ABCA9: variants seen among roughly 807,000 people sequenced by gnomAD.
The protein encoded by ABCA9 is ATP-binding cassette sub-family A member 9.
ABCA9 carries 183 observed loss-of-function variants against 205.3 expected under a neutral mutation model. The ratio of observed to expected loss-of-function variants is 0.89; its 90% CI spans 0.79 to 1.01. The LOEUF (loss-of-function observed/expected upper bound fraction) is 1.01, where lower values mean the gene tolerates loss of function less well. Among genes scored for constraint, ABCA9 ranks in the 50% least tolerant of loss-of-function variants. The probability of loss-of-function intolerance (pLI) is 0.00; values close to 1 mark genes in which losing one functional copy is unlikely to be tolerated. For synonymous variants in ABCA9, 651 were observed against 683.3 expected, an observed-to-expected ratio of 0.95 and a Z score of 0.74; for missense variants, 1,805 against 1,912.4, an observed-to-expected ratio of 0.94 and a Z score of 1.05.
rs769332503 is a variant in ABCA9, at chr17:68,995,887, C to A, written c.3555+8G>T. On this transcript the variant is annotated splice_region_variant and intron_variant, in intron 26 of 38. Coordinates refer to ENST00000340001, the MANE Select transcript of ABCA9 (RefSeq NM_080283.4). The stretch of plus-strand genomic sequence containing the variant: ...TCATGACCCTCAGACAGAAGTGGAA[C>A]TACTTACCTCAGAAAAAATGAATAG... 1.2e-6 allele frequency: 2 copies of A among 1,613,282 alleles called. No homozygotes were observed. The highest frequency in any genetic ancestry group is 1.7e-6 in the Non-Finnish European group (2 of 1,179,858).
chr17:69,003,598 G>A (rs1041294683), intron 25 of ABCA9, among the ~76,000 whole-genome samples: 2 of 143,884 alleles, frequency 1.4e-5, no homozygotes, highest in African/African-American at 5.3e-5. Flanking sequence ...TATGTGTCTT[G>A]GAGTTGCTCT....
Position 69,027,039 on chromosome 17 carries a change from C to T in ABCA9, c.1987G>A (p.Gly663Arg). ...RHRIWNLLKE[G>R]KSDRVILFST... ...AAGAGAATTACTCTGTCTGATTTCC[C>T]CTCTTTCAGGAGATTCCATATTCGG... Residue 663 changes from glycine (G) to arginine (R), a missense_variant, in exon 15 of 39, where the codon GGG (glycine) becomes AGG (arginine). By Grantham distance (125) the Gly-to-Arg change is moderately radical. Transcript: ENST00000340001. 1 of 1,614,146 alleles carries T rather than the reference C, an allele frequency of 6.2e-7. No individual in the cohort carries two copies.
In ABCA9 at chr17:69,020,713, T is replaced by C. The variant is rs575239739; in HGVS notation, c.2402-127A>G. 2.4e-5 allele frequency: 17 copies of C among 700,040 alleles called. No homozygotes were observed. The East Asian group carries it at 2.7e-4, about 11-fold the overall frequency. The allele number at this position is 700,040 out of a possible 1,614,324, so 43.4% of individuals were successfully genotyped here. On this transcript the variant is annotated intron_variant, in intron 18 of 38. Transcript: ENST00000340001. ...TTGGGCCAAGATACAAGTAATCTAA[T>C]GTATGACATTATTAGAGCAACTATT...
chr17:69,067,618 AAAG>A, the ABCA9 span, among the ~76,000 whole-genome samples: 9 of 139,220 alleles, frequency 6.5e-5, no homozygotes, highest in African/African-American at 2.6e-4. Context: ...AGAAAGAAAG[AAAG>A]AAGAAAGAAA....
At chr17:68,977,611 A>G (rs1363558532) in intron 37 of ABCA9, among the ~76,000 whole-genome samples, 1 of 152,222 alleles carries the variant, frequency 6.6e-6, no homozygotes, top group East Asian at 1.9e-4. Flanking sequence ...TGGAGTTTAC[A>G]TTACCCAGCA....
chr17:69,037,342 G>T (rs1277178081), intron 6 of ABCA9, among the ~76,000 whole-genome samples: 1 of 152,054 alleles, frequency 6.6e-6, no homozygotes, highest in Non-Finnish European at 1.5e-5. Flanking sequence ...AAATGCAAAA[G>T]AACGGAAATC....
intron 24 of ABCA9, 35 bp from the exon 25 acceptor site, chr17:69,007,907 A>T: frequency 6.7e-7 from 1 of 1,487,646 alleles, no homozygotes; most frequent in Non-Finnish European, 9.3e-7. Context: ...AATAAGGTAA[A>T]TACTATCTAG....
At position 69,008,085 on chromosome 17, in the gene ABCA9, T is replaced by C; in HGVS notation, c.3298A>G (p.Ile1100Val). The change falls in exon 24 of 39, where the codon ATA becomes GTA. Residue 1100 changes from isoleucine (I) to valine (V), a missense_variant. Transcript: ENST00000340001. ...ACTTGAATTAACAGGTTTTGAATTA[T>C]AAATATAATCTCCTCTGGGCTAAAA... Reference protein sequence around the residue: ...YIFSPEEIIFIIQNLLIQILC... With the variant: ...YIFSPEEIIFVIQNLLIQILC... 2 of 1,608,726 alleles carry C rather than the reference T, an allele frequency of 1.2e-6. No individual in the cohort carries two copies. The highest frequency in any genetic ancestry group is 1.7e-6 in the Non-Finnish European group (2 of 1,177,786).
chr17:69,035,624 G>A lies in ABCA9; in HGVS notation c.942+36C>T, dbSNP rs779762274. 10 of 1,605,520 alleles carry A rather than the reference G, an allele frequency of 6.2e-6. No individual in the cohort carries two copies. In the African/African-American group the frequency reaches 9.4e-5, roughly 15 times the overall value. On this transcript the variant is annotated intron_variant, in intron 7 of 38. Coordinates refer to ENST00000340001, the MANE Select transcript of ABCA9 (RefSeq NM_080283.4). ...ATTATTGGCAGTAGAGAGAGAGAAAGAGAATAAAAGACTTAGATGAAATTA... is the reference window on the plus strand; with the variant it reads ...ATTATTGGCAGTAGAGAGAGAGAAAAAGAATAAAAGACTTAGATGAAATTA...
chr17:68,993,280 A>T (rs1473935326), intron 26 of ABCA9, among the ~76,000 whole-genome samples, 196 bp from the exon 27 acceptor site: 1 of 152,158 alleles, frequency 6.6e-6, no homozygotes, highest in Non-Finnish European at 1.5e-5. Context: ...CTAGGCCGGG[A>T]TGCCTTTGTA....
chr17:69,044,631 G>T, intron 4 of ABCA9, 31 bp from the exon 5 acceptor site: 1 of 1,590,850 alleles, frequency 6.3e-7, no homozygotes, highest in South Asian at 1.1e-5. Context: ...CATTATTACG[G>T]AATGATACAA....
intron 24 of ABCA9, 60 bp downstream of exon 24, chr17:69,008,002 T>C: frequency 6.6e-7 from 1 of 1,505,564 alleles, no homozygotes; most frequent in Non-Finnish European, 9.1e-7. Flanking sequence ...AGATTAATGA[T>C]ATTACTGCAT....
chr17:68,976,006 A>G lies in ABCA9; in HGVS notation c.4784T>C (p.Leu1595Pro). Reference protein sequence around the residue: ...LSQSTLEQVFLELSKEQELGD... With the variant: ...LSQSTLEQVFPELSKEQELGD... ...CAGCTCCTGCTCCTTGGAGAGCTCC[A>G]GGAAAACCTAAAAGGAAGGAAAGAA... The change falls in exon 39 of 39, where the codon CTG becomes CCG. Residue 1595 changes from leucine to proline, a missense_variant. Transcript: ENST00000340001. 6.2e-7 allele frequency: 1 copy of G among 1,613,806 alleles called. No individual in the cohort carries two copies. The highest frequency in any genetic ancestry group is 8.5e-7 in the Non-Finnish European group (1 of 1,179,890).
In ABCA9 at chr17:69,045,661, C is replaced by G. The variant is rs1045563449; in HGVS notation, c.305-325G>C. On this transcript the variant is annotated intron_variant, in intron 3 of 38. Transcript: ENST00000340001. ...AAAGAAGTTTAATTGACTCACAGTT[C>G]CCTATGACTGGGGAAGCCTCAGGAA... Among the ~76,000 whole-genome samples, 4 of 152,050 alleles carry G rather than the reference C, an allele frequency of 2.6e-5. 1 individual carries two copies. In the South Asian group the frequency reaches 8.3e-4, roughly 32 times the overall value.
At chr17:69,035,190 G>C in intron 8 of ABCA9, 56 bp downstream of exon 8, 3 of 1,328,604 alleles carry the variant, frequency 2.3e-6, no homozygotes, top group Non-Finnish European at 3.0e-6. Flanking sequence ...GAATTATTAA[G>C]AGGGAATCTG....
chr17:69,028,324 G>A (rs1328144300), intron 12 of ABCA9, among the ~76,000 whole-genome samples: 1 of 152,014 alleles, frequency 6.6e-6, no homozygotes, highest in Non-Finnish European at 1.5e-5. Context: ...CTGCCACCAT[G>A]CCTGGCTAAT....
chr17:68,989,343 C>T (rs1436185412), intron 30 of ABCA9, among the ~76,000 whole-genome samples: 1 of 151,304 alleles, frequency 6.6e-6, no homozygotes, highest in African/African-American at 2.4e-5. Context: ...GAAGCTAAGA[C>T]TTAAAGAGGA....
chr17:69,036,740 C>T (rs2071350333), intron 6 of ABCA9, among the ~76,000 whole-genome samples: 1 of 151,250 alleles, frequency 6.6e-6, no homozygotes, highest in Non-Finnish European at 1.5e-5. Flanking sequence ...ATGCCAGTAT[C>T]CAATTTGCCG....
At chr17:69,033,596 G>A (rs1297706628) in intron 9 of ABCA9, 130 bp downstream of exon 9, 1 of 724,442 alleles carries the variant, frequency 1.4e-6, no homozygotes, top group Non-Finnish European at 2.3e-6. Context: ...ACAAACTATA[G>A]AATATCATTA....
Sources: gnomAD v4.1 joint callset for allele counts (sites outside exome capture counted in the v4.1 genomes callset) on GRCh38, gnomAD v4.1.1 for gene constraint, MANE v1.5 for transcripts, NCBI Gene and HGNC (gene_info 2026-07-23, HGNC 2026-07-21) for gene names.